JAZF1: variants seen among roughly 807,000 people sequenced by gnomAD.
JAZF1 encodes the protein JAZF zinc finger 1, also known as juxtaposed with another zinc finger protein 1.
JAZF1 carries 8 observed loss-of-function variants against 26.4 expected under a neutral mutation model. That is an observed-to-expected ratio of 0.30 (90% CI 0.18 to 0.55). JAZF1 has a LOEUF of 0.55. JAZF1 is among the 20% of genes least tolerant of loss of function. The pLI is 0.94. For missense variants in JAZF1, 199 were observed against 322.0 expected, an observed-to-expected ratio of 0.62 and a Z score of 2.92; for synonymous variants, 126 against 122.3, an observed-to-expected ratio of 1.03 and a Z score of -0.20.
intron 1 of JAZF1, among the ~76,000 whole-genome samples, chr7:28,027,549 C>CA (rs1562563553): frequency 6.6e-6 from 1 of 152,106 alleles, no homozygotes; most frequent in Non-Finnish European, 1.5e-5. Flanking sequence ...CCTTAGACTC[C>CA]ATGCCAAGGC....
intron 2 of JAZF1, among the ~76,000 whole-genome samples, chr7:27,900,866 T>C (rs576457858): frequency 2.9e-4 from 44 of 152,280 alleles, no homozygotes; most frequent in African/African-American, 1.1e-3. Flanking sequence ...GGAATATATA[T>C]GCAAATCAAT....
chr7:27,964,894 C>A (rs10259651), intron 2 of JAZF1, among the ~76,000 whole-genome samples: 2,037 of 152,100 alleles, frequency 0.013, 50 homozygotes, highest in African/African-American at 0.047. Context: ...AAGAGAGATG[C>A]CTTTCCCAGT....
At chr7:27,911,267 G>T (rs1268641817) in intron 2 of JAZF1, among the ~76,000 whole-genome samples, 1 of 152,184 alleles carries the variant, frequency 6.6e-6, no homozygotes, top group Non-Finnish European at 1.5e-5. Context: ...AAGGGCAAAA[G>T]ATCTATGACT....
At chr7:28,044,619 G>GA (rs775553218) in intron 1 of JAZF1, among the ~76,000 whole-genome samples, 283 of 150,608 alleles carry the variant, frequency 1.9e-3, no homozygotes, top group African/African-American at 6.4e-3. Flanking sequence ...TTCTTCTAAG[G>GA]AAAAAAAAAT....
intron 3 of JAZF1, among the ~76,000 whole-genome samples, chr7:27,873,676 T>C (rs1351415991): frequency 6.6e-6 from 1 of 152,230 alleles, no homozygotes; most frequent in Non-Finnish European, 1.5e-5. Context: ...CTGAAGGCAC[T>C]GAGGTTGAGT....
intron 1 of JAZF1, among the ~76,000 whole-genome samples, chr7:28,034,469 TACACACACACAC>T (rs59979673): frequency 1.3e-4 from 19 of 145,290 alleles, no homozygotes; most frequent in East Asian, 1.2e-3. Flanking sequence ...AGAAAACTAA[TACACACACACAC>T]ACACACACAC....
At chr7:28,143,638 CAA>C (rs887404023) in intron 1 of JAZF1, among the ~76,000 whole-genome samples, 13 of 152,296 alleles carry the variant, frequency 8.5e-5, no homozygotes, top group African/African-American at 2.9e-4. Flanking sequence ...TCCCTCTGAT[CAA>C]AGAGACGGAT....
chr7:27,965,740 C>G (rs1202048508), intron 2 of JAZF1, among the ~76,000 whole-genome samples: 1 of 152,056 alleles, frequency 6.6e-6, no homozygotes, highest in East Asian at 1.9e-4. Flanking sequence ...AAAACAAAGC[C>G]AAAAATCATA....
chr7:27,961,165 C>T (rs889242358), intron 2 of JAZF1, among the ~76,000 whole-genome samples: 3 of 152,310 alleles, frequency 2.0e-5, no homozygotes, highest in Non-Finnish European at 4.4e-5. Context: ...TTATAACAGT[C>T]GTTAGGGTAG....
At position 27,987,999 on chromosome 7, in the gene JAZF1, T is replaced by TA. The variant is rs550898065; in HGVS notation, c.188+3909dup. On this transcript the variant is annotated intron_variant, in intron 2 of 4. Coordinates refer to ENST00000283928, the MANE Select transcript of JAZF1 (RefSeq NM_175061.4). ...AGAGGCTTGAAGGCAGCATGCTCGT[T>TA]AAGAGTCATCACCACTCCCTAATCT... Among the ~76,000 whole-genome samples, 802 of 152,288 alleles carry TA rather than the reference T, an allele frequency of 5.3e-3. 9 individuals are homozygous for TA. The highest frequency in any genetic ancestry group is 0.019 in the African/African-American group (774 of 41,552).
rs151286470 is a variant in JAZF1, at chr7:28,070,757, C to T, written c.116-78776G>A. On this transcript the variant is annotated intron_variant, in intron 1 of 4. Transcript: ENST00000283928. ...AGAGTGTGAAGGCAACAGAAAGGTACATATTCTCTTCATGACATTCATCAA... is the reference window on the plus strand; with the variant it reads ...AGAGTGTGAAGGCAACAGAAAGGTATATATTCTCTTCATGACATTCATCAA... Among the ~76,000 whole-genome samples the T allele has an allele frequency of 4.8e-3, 733 of 152,350 alleles. 4 individuals are homozygous for T. The highest frequency in any genetic ancestry group is 7.2e-3 in the Admixed American group (110 of 15,308).
chr7:27,857,092 C>A (rs1488030875), intron 3 of JAZF1, among the ~76,000 whole-genome samples: 2 of 152,364 alleles, frequency 1.3e-5, no homozygotes, highest in East Asian at 1.9e-4. Flanking sequence ...GAACTGGGCG[C>A]CGTGGAGCAG....
chr7:28,092,052 A>C (rs1784305454), intron 1 of JAZF1, among the ~76,000 whole-genome samples: 1 of 152,086 alleles, frequency 6.6e-6, no homozygotes. Context: ...GAAACTTTTC[A>C]ATATTTTCTC....
intron 1 of JAZF1, among the ~76,000 whole-genome samples, chr7:28,135,116 T>C (rs1456876327): frequency 2.0e-5 from 3 of 152,178 alleles, no homozygotes; most frequent in Non-Finnish European, 4.4e-5. Flanking sequence ...TAAATGACAA[T>C]TGAGAAATAT....
intron 1 of JAZF1, among the ~76,000 whole-genome samples, chr7:28,027,609 A>C (rs555760964): frequency 6.6e-6 from 1 of 152,174 alleles, no homozygotes; most frequent in African/African-American, 2.4e-5. Flanking sequence ...TGGGGAGAGC[A>C]CTCTCATCTC....
intron 1 of JAZF1, among the ~76,000 whole-genome samples, chr7:28,041,612 C>A: frequency 6.6e-6 from 1 of 152,102 alleles, no homozygotes; most frequent in South Asian, 2.1e-4. Context: ...AGGGCAAGAC[C>A]TACATACTTC....
At chr7:27,994,491 A>T (rs549926260) in intron 1 of JAZF1, among the ~76,000 whole-genome samples, 21 of 152,014 alleles carry the variant, frequency 1.4e-4, no homozygotes, top group African/African-American at 4.3e-4. Context: ...ACAAAAAACC[A>T]TTTGGAAGCA....
At chr7:27,834,428 A>G (rs988463200) in intron 4 of JAZF1, among the ~76,000 whole-genome samples, 4 of 152,224 alleles carry the variant, frequency 2.6e-5, no homozygotes, top group Non-Finnish European at 1.5e-5. Context: ...GGCTATGCTC[A>G]GAGTCTGAAG....
chr7:28,062,185 C>T (rs1167406733), intron 1 of JAZF1, among the ~76,000 whole-genome samples: 1 of 152,126 alleles, frequency 6.6e-6, no homozygotes, highest in African/African-American at 2.4e-5. Flanking sequence ...TGTTCAACTC[C>T]AAATACACCC....
Sources: gnomAD v4.1 joint callset for allele counts (sites outside exome capture counted in the v4.1 genomes callset) on GRCh38, gnomAD v4.1.1 for gene constraint, MANE v1.5 for transcripts, NCBI Gene and HGNC (gene_info 2026-07-23, HGNC 2026-07-21) for gene names.